PIK3CB: variants seen among roughly 807,000 people sequenced by gnomAD.
PIK3CB encodes phosphatidylinositol-4,5-bisphosphate 3-kinase catalytic subunit beta, also known as phosphatidylinositol 4,5-bisphosphate 3-kinase catalytic subunit beta isoform.
In PIK3CB, 39 loss-of-function variants were observed where a neutral mutation model predicts 136.8. The ratio of observed to expected loss-of-function variants is 0.29; its 90% CI spans 0.22 to 0.37. The LOEUF is 0.37. Ranked by LOEUF, PIK3CB falls within the 10% of genes least tolerant of loss-of-function variation. The probability of loss-of-function intolerance (pLI) is 1.00; values close to 1 mark genes in which losing one functional copy is unlikely to be tolerated. For missense variants in PIK3CB, 868 were observed against 1,275.4 expected (o/e 0.68, Z 4.87); for synonymous variants, 428 against 436.6 (o/e 0.98, Z 0.25).
intron 13 of PIK3CB, among the ~76,000 whole-genome samples, chr3:138,696,117 G>A (rs1259282861): frequency 2.6e-5 from 4 of 150,974 alleles, no homozygotes; most frequent in African/African-American, 4.9e-5. Context: ...ATTCACCTAC[G>A]TGAATAAATT....
At chr3:138,779,619 C>G (rs1225952351) in intron 2 of PIK3CB, among the ~76,000 whole-genome samples, 1 of 151,086 alleles carries the variant, frequency 6.6e-6, no homozygotes, top group Non-Finnish European at 1.5e-5. Context: ...TCTCGAACTC[C>G]TGAACTCAAG....
chr3:138,832,110 G>T (rs1934063916), intron 1 of PIK3CB, among the ~76,000 whole-genome samples: 1 of 152,142 alleles, frequency 6.6e-6, no homozygotes, highest in Admixed American at 6.6e-5. Context: ...CCTCAAGAAA[G>T]AACATAATTT....
intron 19 of PIK3CB, among the ~76,000 whole-genome samples, chr3:138,667,158 G>A (rs1019406327): frequency 4.9e-5 from 7 of 143,512 alleles, no homozygotes; most frequent in African/African-American, 1.1e-4. Context: ...GCAGTAAGCC[G>A]AGATTGCGCC....
chr3:138,669,380 C>T lies in PIK3CB; in HGVS notation c.2505-4177G>A, dbSNP rs202013409. On this transcript the variant is annotated intron_variant, in intron 19 of 23. Transcript: ENST00000674063. Reference sequence around the variant, plus strand: ...CCATGATTGTGCTACTGCACTCCAGCTGGGGTGATACAGTGAGACCCTGTT... The same window carrying T: ...CCATGATTGTGCTACTGCACTCCAGTTGGGGTGATACAGTGAGACCCTGTT... 6.0e-4 allele frequency among the ~76,000 whole-genome samples: 71 copies of T among 118,162 alleles called. 1 individual carries two copies. In the East Asian group the frequency reaches 0.017, roughly 28 times the overall value. The allele number at this position is 118,162 out of a possible 152,430, so 77.5% of individuals were successfully genotyped here.
intron 10 of PIK3CB, among the ~76,000 whole-genome samples, chr3:138,711,803 A>C (rs1002375818): frequency 6.6e-6 from 1 of 151,998 alleles, no homozygotes; most frequent in African/African-American, 2.4e-5. Flanking sequence ...AAGTATGTTT[A>C]AAATACTAAC....
At chr3:138,823,262 AT>A (rs1421343927) in intron 1 of PIK3CB, among the ~76,000 whole-genome samples, 5 of 152,070 alleles carry the variant, frequency 3.3e-5, no homozygotes, top group African/African-American at 7.2e-5. Flanking sequence ...CCCTAAAAAA[AT>A]AAATAAATAA....
intron 2 of PIK3CB, among the ~76,000 whole-genome samples, chr3:138,773,385 A>G (rs1377030387): frequency 6.6e-6 from 1 of 152,040 alleles, no homozygotes; most frequent in Non-Finnish European, 1.5e-5. Context: ...AGTGAGTGAG[A>G]TACTGTCAAA....
chr3:138,778,253 C>T (rs2045883450), intron 2 of PIK3CB: 2 of 421,294 alleles, frequency 4.7e-6, no homozygotes, highest in Middle Eastern at 8.1e-4. Flanking sequence ...AAAAACACCT[C>T]GCAATTCCCA....
At chr3:138,659,496 G>A (rs375583706) in intron 21 of PIK3CB, among the ~76,000 whole-genome samples, 16 of 151,538 alleles carry the variant, frequency 1.1e-4, no homozygotes, top group African/African-American at 3.6e-4. Flanking sequence ...CAGCCTGGGC[G>A]ACAGAGCAAG....
chr3:138,741,752 T>TG (rs1342050429), intron 5 of PIK3CB, among the ~76,000 whole-genome samples: 3 of 151,178 alleles, frequency 2.0e-5, no homozygotes, highest in African/African-American at 7.3e-5. Context: ...TGCTTGAGAC[T>TG]GGGGGGCTGA....
intron 2 of PIK3CB, among the ~76,000 whole-genome samples, chr3:138,768,273 A>G (rs1428648576): frequency 6.8e-6 from 1 of 148,002 alleles, no homozygotes; most frequent in Non-Finnish European, 1.5e-5. Flanking sequence ...GCTGCTCTCA[A>G]CAGAGAGGAG....
At chr3:138,757,725 G>GAAGA (rs2045598830) in intron 3 of PIK3CB, among the ~76,000 whole-genome samples, 1 of 146,724 alleles carries the variant, frequency 6.8e-6, no homozygotes, top group Non-Finnish European at 1.5e-5. Flanking sequence ...AGGGAGGGAG[G>GAAGA]AAGAGAGGGA....
chr3:138,688,858 AT>A lies in PIK3CB; in HGVS notation c.2136+16del, dbSNP rs2043950335. ...TGTCAAAAAAAGAAAAAATGAATAA[AT>A]AAAACAAGCTGATACCTGCTTAGAA... is the stretch of plus-strand genomic sequence containing the variant. On this transcript the variant is annotated intron_variant, in intron 16 of 23. Transcript: ENST00000674063. 6 of 1,540,758 alleles carry A rather than the reference AT, an allele frequency of 3.9e-6. No homozygotes were observed. The highest frequency in any genetic ancestry group is 5.4e-6 in the Non-Finnish European group (6 of 1,115,430).
intron 19 of PIK3CB, 92 bp from the exon 20 acceptor site, chr3:138,665,295 T>G (rs1463190840): frequency 1.1e-6 from 1 of 945,104 alleles, no homozygotes; most frequent in African/African-American, 1.7e-5. Context: ...AAAAAAAGTT[T>G]TATTATTATT....
At chr3:138,772,189 A>G (rs1340438658) in intron 2 of PIK3CB, among the ~76,000 whole-genome samples, 1 of 152,196 alleles carries the variant, frequency 6.6e-6, no homozygotes, top group African/African-American at 2.4e-5. Flanking sequence ...TAATATACAC[A>G]TTAGAATTAG....
chr3:138,801,144 A>G (rs1047377277), intron 1 of PIK3CB, among the ~76,000 whole-genome samples: 6 of 152,186 alleles, frequency 3.9e-5, no homozygotes, highest in African/African-American at 9.6e-5. Flanking sequence ...GACTTCTAAC[A>G]AAATTCTCTA....
intron 1 of PIK3CB, chr3:138,796,867 A>G (rs2046114323): frequency 6.6e-6 from 1 of 152,320 alleles, no homozygotes; most frequent in Admixed American, 6.6e-5. Context: ...CCAAAGAGAA[A>G]AAGGAAGCCC....
At chr3:138,697,421 GATTTATTT>G (rs61693073) in intron 13 of PIK3CB, among the ~76,000 whole-genome samples, 78 of 150,884 alleles carry the variant, frequency 5.2e-4, no homozygotes, top group African/African-American at 8.6e-4. Flanking sequence ...TGTCTCCAAA[GATTTATTT>G]ATTTATTTAT....
intron 2 of PIK3CB, among the ~76,000 whole-genome samples, chr3:138,794,754 A>G (rs2046090163): frequency 1.3e-5 from 2 of 152,240 alleles, no homozygotes; most frequent in Non-Finnish European, 1.5e-5. Flanking sequence ...ATATATAGTC[A>G]TCTGTGGTAT....
Sources: gnomAD v4.1 joint callset for allele counts (sites outside exome capture counted in the v4.1 genomes callset) on GRCh38, gnomAD v4.1.1 for gene constraint, MANE v1.5 for transcripts, NCBI Gene and HGNC (gene_info 2026-07-23, HGNC 2026-07-21) for gene names.